Variants in PPARGC1B observed in about 807,000 individuals in gnomAD.
PPARGC1B encodes the protein peroxisome proliferator-activated receptor gamma coactivator 1-beta.
PPARGC1B carries 34 observed loss-of-function variants against 101.6 expected under a neutral mutation model. The ratio of observed to expected loss-of-function variants is 0.33; its 90% CI spans 0.25 to 0.45. The LOEUF is 0.45. PPARGC1B is among the 20% of genes least tolerant of loss of function. The probability of loss-of-function intolerance (pLI) is 1.00; values close to 1 mark genes in which losing one functional copy is unlikely to be tolerated. For missense variants in PPARGC1B, 1,234 were observed against 1,317.6 expected (o/e 0.94, Z 0.98); for synonymous variants, 548 against 539.3 (o/e 1.02, Z -0.22).
chr5:149,741,372 C>G (rs1442212616), intron 1 of PPARGC1B, among the ~76,000 whole-genome samples: 1 of 152,176 alleles, frequency 6.6e-6, no homozygotes, highest in Non-Finnish European at 1.5e-5. Flanking sequence ...GTACCCAGAA[C>G]ACTGGGGAGG....
intron 1 of PPARGC1B, among the ~76,000 whole-genome samples, chr5:149,780,005 T>C (rs1198282882): frequency 6.6e-6 from 1 of 152,228 alleles, no homozygotes; most frequent in Non-Finnish European, 1.5e-5. Flanking sequence ...TGATTGACTG[T>C]GTCCTCAGCC....
At chr5:149,763,082 G>A (rs1755774426) in intron 1 of PPARGC1B, among the ~76,000 whole-genome samples, 1 of 152,160 alleles carries the variant, frequency 6.6e-6, no homozygotes, top group Admixed American at 6.5e-5. Flanking sequence ...ACTGTGCCTG[G>A]CTCACCAAGG....
chr5:149,771,704 T>G (rs1207712815), intron 1 of PPARGC1B, among the ~76,000 whole-genome samples: 2 of 152,250 alleles, frequency 1.3e-5, no homozygotes, highest in Non-Finnish European at 2.9e-5. Context: ...CAAGCCGTAT[T>G]CCTTTTTCCT....
chr5:149,795,257 A>G (rs149419199), intron 1 of PPARGC1B, among the ~76,000 whole-genome samples: 3,123 of 152,218 alleles, frequency 0.021, 64 homozygotes, highest in African/African-American at 0.044. Context: ...ACAACTACCT[A>G]CTTAGTTGGG....
intron 1 of PPARGC1B, among the ~76,000 whole-genome samples, chr5:149,746,707 A>G (rs1213419112): frequency 6.6e-6 from 1 of 152,194 alleles, no homozygotes; most frequent in African/African-American, 2.4e-5. Flanking sequence ...ACCATTTAAC[A>G]TTCCTACCAA....
rs1192693235 is a variant in PPARGC1B, at chr5:149,851,163, G to C, written c.*3605G>C. ...TGCAAAGACCCAGTACTCAAGTTCTGACGTGGGAGGAGATGCAGTGAGACG... is the reference window on the plus strand; with the variant it reads ...TGCAAAGACCCAGTACTCAAGTTCTCACGTGGGAGGAGATGCAGTGAGACG... On this transcript the variant is annotated 3_prime_UTR_variant, in exon 12 of 12. Coordinates refer to ENST00000309241, the MANE Select transcript of PPARGC1B (RefSeq NM_133263.4). 1 of 152,266 alleles carries C rather than the reference G, an allele frequency of 6.6e-6. No individual in the cohort carries two copies. The highest frequency in any genetic ancestry group is 2.4e-5 in the African/African-American group (1 of 41,448). The allele number at this position is 152,266 out of a possible 1,614,324, so 9.4% of individuals were successfully genotyped here.
chr5:149,757,799 C>T (rs893094030), intron 1 of PPARGC1B, among the ~76,000 whole-genome samples: 1 of 152,136 alleles, frequency 6.6e-6, no homozygotes, highest in Non-Finnish European at 1.5e-5. Context: ...GAGAAACTAG[C>T]GTGGCTAGCT....
chr5:149,833,890 T>A lies in PPARGC1B; in HGVS notation c.1705+112T>A. ...AAGTCCCCGTCCCCCAACAAAGTGT[T>A]ATATGGGTTTGGACAAGTCCCTTCC... On this transcript the variant is annotated intron_variant, in intron 5 of 11. Transcript: ENST00000309241. This position sits in a 1 kb window ranked among gnomAD's most constrained non-coding sequence, Gnocchi z 4.1. The A allele has an allele frequency of 7.1e-7, 1 of 1,404,650 alleles. No homozygotes were observed. The highest frequency in any genetic ancestry group is 9.2e-7 in the Non-Finnish European group (1 of 1,082,486). The allele number at this position is 1,404,650 out of a possible 1,614,324, so 87.0% of individuals were successfully genotyped here.
At position 149,836,509 on chromosome 5, in the gene PPARGC1B, T is replaced by A. The variant is rs937744220; in HGVS notation, c.2054T>A (p.Phe685Tyr). 1 of 1,613,978 alleles carries A rather than the reference T, an allele frequency of 6.2e-7. No individual in the cohort carries two copies. Among genetic ancestry groups the A allele is most frequent in the Admixed American group, 1.7e-5 (1 of 60,028 alleles). Reference protein sequence around the residue: ...PASQAGQKRPFSCSFGDHDYC... With the variant: ...PASQAGQKRPYSCSFGDHDYC... ...TCCCAGGCTGGCCAGAAGCGTCCCT[T>A]CTCCTGTTCCTTTGGAGACCATGAC... Residue 685 changes from phenylalanine to tyrosine, a missense_variant, in exon 8 of 12, where the codon TTC becomes TAC. Phe to Tyr is a conservative substitution (Grantham distance 22). This residue lies in a region of PPARGC1B where 497 missense variants were observed against 529.5 expected (regional missense o/e 0.94). Transcript: ENST00000309241.
At chr5:149,747,853 G>T (rs533406796) in intron 1 of PPARGC1B, among the ~76,000 whole-genome samples, 16 of 152,212 alleles carry the variant, frequency 1.1e-4, no homozygotes, top group Non-Finnish European at 1.9e-4. Context: ...CTAGAGGACA[G>T]TGATGGTGTC....
chr5:149,769,820 T>C (rs1328240234), intron 1 of PPARGC1B, among the ~76,000 whole-genome samples: 2 of 152,130 alleles, frequency 1.3e-5, no homozygotes, highest in Non-Finnish European at 2.9e-5. Flanking sequence ...GCCCCTTCAC[T>C]TATCTCCTTC....
intron 11 of PPARGC1B, 112 bp downstream of exon 11, chr5:149,846,026 C>A: frequency 7.8e-7 from 1 of 1,275,528 alleles, no homozygotes. Flanking sequence ...CTTCCATCCC[C>A]ACACCCCAGT....
rs1396229174 is a variant in PPARGC1B, at chr5:149,820,486, C to T, written c.132C>T (p.Leu44=). 1.9e-6 allele frequency: 3 copies of T among 1,614,094 alleles called. No homozygotes were observed. Among genetic ancestry groups the T allele is most frequent in the African/African-American group, 2.7e-5 (2 of 75,034 alleles). ...ATGCTGACTTTCCAGAACTTGACCTCTCCCAGCTGGATGCCAGCGACTTTG... is the reference window on the plus strand; with the variant it reads ...ATGCTGACTTTCCAGAACTTGACCTTTCCCAGCTGGATGCCAGCGACTTTG... ...QLYADFPELD[L]SQLDASDFDS... The change falls in exon 2 of 12, where the codon CTC becomes CTT. Residue 44 remains leucine (L), a synonymous_variant. Coordinates refer to ENST00000309241, the MANE Select transcript of PPARGC1B (RefSeq NM_133263.4).
chr5:149,844,020 G>A (rs758800737), intron 10 of PPARGC1B, among the ~76,000 whole-genome samples: 4 of 152,234 alleles, frequency 2.6e-5, no homozygotes, highest in Non-Finnish European at 5.9e-5. Context: ...TGTTTAATGG[G>A]CGTAGAGTTT....
At chr5:149,843,424 G>A (rs1473522487) in intron 10 of PPARGC1B, among the ~76,000 whole-genome samples, 1 of 152,126 alleles carries the variant, frequency 6.6e-6, no homozygotes, top group Non-Finnish European at 1.5e-5. Context: ...CAAGAAAAGA[G>A]TTTCTGGTGT....
Position 149,830,760 on chromosome 5 carries a change from C to A in PPARGC1B, c.466-7C>A, listed in dbSNP as rs1322159944. On this transcript the variant is annotated splice_polypyrimidine_tract_variant and splice_region_variant and intron_variant, in intron 3 of 11. Coordinates refer to ENST00000309241, the MANE Select transcript of PPARGC1B (RefSeq NM_133263.4). ...CCCGGCTCCTGTCCTCTCTGCTTTT[C>A]CCTCAGCTGCAGAAGCTCCTCCTGG... is the stretch of plus-strand genomic sequence containing the variant. 6.2e-7 allele frequency: 1 copy of A among 1,608,734 alleles called. No individual in the cohort carries two copies. Among genetic ancestry groups the A allele is most frequent in the Admixed American group, 1.7e-5 (1 of 59,996 alleles).
chr5:149,815,615 G>A (rs1758021496), intron 1 of PPARGC1B, among the ~76,000 whole-genome samples: 3 of 152,182 alleles, frequency 2.0e-5, no homozygotes, highest in Admixed American at 2.0e-4. Flanking sequence ...CCAGGCTGGA[G>A]TGCAGTGGCG....
intron 1 of PPARGC1B, among the ~76,000 whole-genome samples, chr5:149,767,324 G>A (rs1162550429): frequency 6.6e-6 from 1 of 152,204 alleles, no homozygotes. Flanking sequence ...GTCTGGGAGA[G>A]GCAGACTAGA....
intron 1 of PPARGC1B, among the ~76,000 whole-genome samples, chr5:149,780,470 G>A (rs767029484): frequency 1.3e-5 from 2 of 152,138 alleles, no homozygotes; most frequent in Non-Finnish European, 2.9e-5. Flanking sequence ...TCCAGGCCTC[G>A]GATTCCCCAT....
Sources: allele counts gnomAD v4.1 joint callset (sites outside exome capture counted in the v4.1 genomes callset), GRCh38; gene constraint gnomAD v4.1.1; regional missense constraint gnomAD v4.1.1; non-coding constraint Gnocchi (gnomAD v3.1); transcripts MANE v1.5; gene names NCBI Gene and HGNC (gene_info 2026-07-23, HGNC 2026-07-21).